PALLD: variants seen among roughly 807,000 people sequenced by gnomAD.
PALLD encodes the protein palladin, cytoskeletal associated protein.
A neutral mutation model predicts 123.5 loss-of-function variants in PALLD; 61 were observed. The observed-to-expected ratio is 0.49, with a 90% CI of 0.40 to 0.61. PALLD has a LOEUF of 0.61. Ranked by LOEUF, PALLD falls within the 20% of genes least tolerant of loss-of-function variation. The probability of loss-of-function intolerance (pLI) is 0.00; values close to 1 mark genes in which losing one functional copy is unlikely to be tolerated. For missense variants in PALLD, 1,273 were observed against 1,377.0 expected (o/e 0.92, Z 1.20); for synonymous variants, 465 against 496.4 (o/e 0.94, Z 0.84).
intron 2 of PALLD, among the ~76,000 whole-genome samples, chr4:168,541,021 G>C (rs994284876): frequency 6.6e-6 from 1 of 152,148 alleles, no homozygotes; most frequent in African/African-American, 2.4e-5. Flanking sequence ...CAAATTCCCT[G>C]TGGGCAAAGA....
At chr4:168,701,991 T>C (rs1006120568) in intron 8 of PALLD, among the ~76,000 whole-genome samples, 1 of 152,212 alleles carries the variant, frequency 6.6e-6, no homozygotes, top group African/African-American at 2.4e-5. Context: ...CCTGTTCCAA[T>C]GTGTCTTATA....
intron 2 of PALLD, among the ~76,000 whole-genome samples, chr4:168,548,373 T>C (rs1766385444): frequency 1.3e-5 from 2 of 150,896 alleles, no homozygotes; most frequent in South Asian, 4.2e-4. Flanking sequence ...GAAACACTAA[T>C]ACTCTCAGCA....
chr4:168,716,033 G>T (rs1443484887), intron 10 of PALLD, among the ~76,000 whole-genome samples: 1 of 152,150 alleles, frequency 6.6e-6, no homozygotes. Context: ...ATGGCAAAAT[G>T]TGGTAGGCGA....
Position 168,845,063 on chromosome 4 carries a change from AGG to A in PALLD, c.1965-45854_1965-45853del, listed in dbSNP as rs35109313. On this transcript the variant is annotated intron_variant, in intron 10 of 21. Transcript: ENST00000505667. Reference sequence around the variant, plus strand: ...GGCTGAAGCTGGGTAGAGAAGCTGGAGGGGGGAGGGCTGTGTGTCCGGAGGAT... The same window carrying A: ...GGCTGAAGCTGGGTAGAGAAGCTGGAGGGGAGGGCTGTGTGTCCGGAGGAT... 1.3e-3 allele frequency among the ~76,000 whole-genome samples: 202 copies of A among 151,960 alleles called. 1 individual carries two copies. In the Middle Eastern group the frequency reaches 0.017, roughly 13 times the overall value.
chr4:168,633,285 C>G (rs564376163), intron 2 of PALLD, among the ~76,000 whole-genome samples: 2 of 152,322 alleles, frequency 1.3e-5, no homozygotes, highest in Admixed American at 1.3e-4. Flanking sequence ...TAACCTAAGA[C>G]TCTTACATTT....
chr4:168,877,886 G>C, intron 10 of PALLD: 2 of 1,451,278 alleles, frequency 1.4e-6, no homozygotes, highest in Non-Finnish European at 1.8e-6. Flanking sequence ...CGCGTCCCCG[G>C]AGCCCATGAG....
At chr4:168,627,614 A>C (rs1472220848) in intron 2 of PALLD, among the ~76,000 whole-genome samples, 1 of 152,232 alleles carries the variant, frequency 6.6e-6, no homozygotes, top group Non-Finnish European at 1.5e-5. Context: ...TGACTCTTTT[A>C]AAAACTGATA....
intron 10 of PALLD, among the ~76,000 whole-genome samples, chr4:168,870,890 AT>A (rs1750985228): frequency 6.6e-6 from 1 of 152,178 alleles, no homozygotes; most frequent in Non-Finnish European, 1.5e-5. Context: ...GGAAAATGCA[AT>A]TGTGTGTTGC....
rs1483536727 is a variant in PALLD at position 168,512,278 on chromosome 4, C to A, written c.774C>A (p.His258Gln). ...CAGTGCCACACAACCGCAAGTCTCA[C>A]CCACAGCCCCACAGCGCCCTCCACT... is the stretch of plus-strand genomic sequence containing the variant. ...DLAVPHNRKS[H>Q]PQPHSALHFP... Residue 258 changes from histidine (H) to glutamine (Q), a missense_variant, in exon 2 of 22, where the codon CAC (histidine) becomes CAA (glutamine). Physicochemically the swap from His to Gln is conservative, Grantham distance 24 (BLOSUM62 0). Transcript: ENST00000505667. 6 of 1,614,058 alleles carry A rather than the reference C, an allele frequency of 3.7e-6. No homozygotes were observed. In the African/African-American group the frequency reaches 8.0e-5, roughly 22 times the overall value.
chr4:168,639,845 G>A (rs1220141866), intron 2 of PALLD, among the ~76,000 whole-genome samples: 1 of 152,140 alleles, frequency 6.6e-6, no homozygotes. Flanking sequence ...TGCCCGGCCT[G>A]CCACTCAACT....
At chr4:168,903,047 G>A (rs569091841) in intron 14 of PALLD, among the ~76,000 whole-genome samples, 1 of 152,270 alleles carries the variant, frequency 6.6e-6, no homozygotes, top group African/African-American at 2.4e-5. Flanking sequence ...GTAGGCATGA[G>A]CCACTGTACC....
At chr4:168,757,812 C>T (rs934396022) in intron 10 of PALLD, among the ~76,000 whole-genome samples, 1 of 152,248 alleles carries the variant, frequency 6.6e-6, no homozygotes, top group East Asian at 1.9e-4. Flanking sequence ...TGGCTCACGC[C>T]TATAATCCCA....
intron 10 of PALLD, among the ~76,000 whole-genome samples, chr4:168,799,819 A>G (rs913947724): frequency 3.3e-5 from 5 of 152,064 alleles, no homozygotes; most frequent in African/African-American, 1.2e-4. Context: ...GAAAATGTAA[A>G]TAATACATTC....
In PALLD at chr4:168,748,454, G is replaced by A. The variant is rs181982725; in HGVS notation, c.1964+36531G>A. Among the ~76,000 whole-genome samples, 380 of 152,330 alleles carry A rather than the reference G, an allele frequency of 2.5e-3. 11 individuals are homozygous for A. The highest frequency in any genetic ancestry group is 0.022 in the Admixed American group (344 of 15,294). ...GGTGAATATATCAAATCCTTTGGGA[G>A]AATAAAAGCTTAGTTGACTTCTATG... On this transcript the variant is annotated intron_variant, in intron 10 of 21. Coordinates refer to ENST00000505667, the MANE Select transcript of PALLD (RefSeq NM_001166108.2).
intron 1 of PALLD, among the ~76,000 whole-genome samples, chr4:168,504,050 T>C (rs1327409901): frequency 6.6e-6 from 1 of 152,262 alleles, no homozygotes; most frequent in African/African-American, 2.4e-5. Context: ...TATTTTTTAC[T>C]CTTGTCTAAT....
intron 12 of PALLD, among the ~76,000 whole-genome samples, chr4:168,896,047 T>C (rs773150497): frequency 2.0e-5 from 3 of 152,106 alleles, no homozygotes; most frequent in African/African-American, 4.8e-5. Context: ...CCGTCTCTAC[T>C]GAAAATACAA....
At chr4:168,767,542 ATT>A (rs5863956) in intron 10 of PALLD, among the ~76,000 whole-genome samples, 9,137 of 125,624 alleles carry the variant, frequency 0.073, 452 homozygotes, top group East Asian at 0.29. Context: ...CCTGTCTCTG[ATT>A]TTTTTTTTTT....
At chr4:168,746,951 T>C (rs912563220) in intron 10 of PALLD, among the ~76,000 whole-genome samples, 5 of 152,184 alleles carry the variant, frequency 3.3e-5, no homozygotes, top group African/African-American at 1.2e-4. Flanking sequence ...ATGCATAGGT[T>C]GGAGATGTGT....
chr4:168,608,526 C>T (rs1364686599), intron 2 of PALLD, among the ~76,000 whole-genome samples: 2 of 152,172 alleles, frequency 1.3e-5, no homozygotes, highest in Non-Finnish European at 2.9e-5. Flanking sequence ...TTTCTTGAAG[C>T]GGCTAGAAGA....
Sources: allele counts gnomAD v4.1 joint callset (sites outside exome capture counted in the v4.1 genomes callset), GRCh38; gene constraint gnomAD v4.1.1; transcripts MANE v1.5; gene names NCBI Gene and HGNC (gene_info 2026-07-23, HGNC 2026-07-21).